The following VWC2L variants were observed in gnomAD, a reference collection of about 807,000 sequenced individuals.
The protein encoded by VWC2L is von Willebrand factor C domain containing 2 like.
A neutral mutation model predicts 21.6 loss-of-function variants in VWC2L; 10 were observed. That is an observed-to-expected ratio of 0.46 (90% CI 0.29 to 0.78). VWC2L has a LOEUF of 0.78. Among genes scored for constraint, VWC2L ranks in the 30% least tolerant of loss-of-function variants. VWC2L has a pLI of 0.10. For missense variants in VWC2L, 209 were observed against 277.1 expected (o/e 0.75, Z 1.74); for synonymous variants, 96 against 94.3 (o/e 1.02, Z -0.10).
intron 3 of VWC2L, among the ~76,000 whole-genome samples, chr2:214,559,432 C>T (rs1410873130): frequency 2.0e-5 from 3 of 152,038 alleles, no homozygotes; most frequent in Non-Finnish European, 4.4e-5. Context: ...TCCCATATCC[C>T]GAGCTTCCAC....
chr2:214,451,795 G>T (rs1702958321), intron 3 of VWC2L, among the ~76,000 whole-genome samples: 1 of 152,034 alleles, frequency 6.6e-6, no homozygotes, highest in Non-Finnish European at 1.5e-5. Flanking sequence ...TATTCTTTCT[G>T]GATATGAGTC....
intron 3 of VWC2L, among the ~76,000 whole-genome samples, chr2:214,560,896 A>C (rs1574637018): frequency 6.6e-6 from 1 of 152,200 alleles, no homozygotes; most frequent in Non-Finnish European, 1.5e-5. Flanking sequence ...ACCACCATGT[A>C]CTTGCTCAGA....
rs574486121 is a variant in VWC2L, at chr2:214,419,052, A to G, written c.390+4469A>G. ...CAAATTCAAATGTAAATTGATCCAC[A>G]TGTGTCACCTGATAGGAAAACTGAT... On this transcript the variant is annotated intron_variant, in intron 2 of 3. Transcript: ENST00000312504. Among the ~76,000 whole-genome samples the G allele has an allele frequency of 3.3e-5, 5 of 152,324 alleles. No individual in the cohort carries two copies. In the East Asian group the frequency reaches 9.6e-4, roughly 29 times the overall value.
In VWC2L at chr2:214,511,508, CCTT is replaced by C. The variant is rs1446246845; in HGVS notation, c.521-64160_521-64158del. On this transcript the variant is annotated intron_variant, in intron 3 of 3. Transcript: ENST00000312504. ...GAGAGAGAGATTTGGGACAATTTCT[CCTT>C]CTTATTTACTCTCTGCCGTGTGAAT... is the stretch of plus-strand genomic sequence containing the variant. Among the ~76,000 whole-genome samples, 15 of 152,208 alleles carry C rather than the reference CCTT, an allele frequency of 9.9e-5. No homozygotes were observed. In the East Asian group the frequency reaches 1.4e-3, roughly 14 times the overall value.
rs1047197725 is a variant in VWC2L at position 214,570,556 on chromosome 2, G to A, written c.521-5116G>A. On this transcript the variant is annotated intron_variant, in intron 3 of 3. Coordinates refer to ENST00000312504, the MANE Select transcript of VWC2L (RefSeq NM_001080500.4). ...TTCTTTGCATTTTTCATAGTGATGG[G>A]GTTTTGCCATGTTGCCCAGGCTGGT... is the stretch of plus-strand genomic sequence containing the variant. 2.0e-5 allele frequency among the ~76,000 whole-genome samples: 3 copies of A among 152,088 alleles called. No individual in the cohort carries two copies. In the South Asian group the frequency reaches 6.2e-4, roughly 32 times the overall value.
chr2:214,538,957 T>C (rs1165213228), intron 3 of VWC2L, among the ~76,000 whole-genome samples: 2 of 152,130 alleles, frequency 1.3e-5, no homozygotes, highest in East Asian at 3.8e-4. Flanking sequence ...GGAAAAACCC[T>C]CATAATTTCT....
intron 3 of VWC2L, among the ~76,000 whole-genome samples, chr2:214,547,142 A>G (rs554675694): frequency 1.3e-5 from 2 of 152,236 alleles, no homozygotes; most frequent in East Asian, 3.9e-4. Context: ...ATGCTAATAT[A>G]TATGCAGAAG....
chr2:214,449,728 C>A (rs1254368379), intron 3 of VWC2L, among the ~76,000 whole-genome samples: 1 of 152,092 alleles, frequency 6.6e-6, no homozygotes, highest in Non-Finnish European at 1.5e-5. Flanking sequence ...GGATACCCCT[C>A]AATTGAGAAA....
chr2:214,546,239 G>GTCTAAAAT (rs1689704386), intron 3 of VWC2L, among the ~76,000 whole-genome samples: 1 of 152,150 alleles, frequency 6.6e-6, no homozygotes, highest in Admixed American at 6.5e-5. Context: ...TTACTAAGCA[G>GTCTAAAAT]TGTGAAGGAA....
intron 3 of VWC2L, among the ~76,000 whole-genome samples, chr2:214,470,868 G>A (rs1430985139): frequency 7.9e-6 from 1 of 126,580 alleles, no homozygotes; most frequent in African/African-American, 3.0e-5. Flanking sequence ...AGTGAGCCAC[G>A]ATTGTGCCAC....
intron 3 of VWC2L, among the ~76,000 whole-genome samples, chr2:214,522,374 C>CAAA (rs5838440): frequency 0.017 from 1,766 of 102,716 alleles, 25 homozygotes; most frequent in Non-Finnish European, 0.021. Context: ...GACCCCGTCT[C>CAAA]AAAAAAAAAA....
In VWC2L at chr2:214,475,630, T is replaced by C. The variant is rs544561093; in HGVS notation, c.520+38872T>C. On this transcript the variant is annotated intron_variant, in intron 3 of 3. Transcript: ENST00000312504. Reference sequence around the variant, plus strand: ...ATCTGCAATGGAGGCACCATTCTGCTCTGGTCAATGGTTGTCATGTAAGAA... The same window carrying C: ...ATCTGCAATGGAGGCACCATTCTGCCCTGGTCAATGGTTGTCATGTAAGAA... 2.0e-5 allele frequency among the ~76,000 whole-genome samples: 3 copies of C among 152,230 alleles called. No homozygotes were observed. The East Asian group carries it at 5.8e-4, about 29-fold the overall frequency.
chr2:214,515,289 G>A (rs1689122855), intron 3 of VWC2L, among the ~76,000 whole-genome samples: 1 of 152,160 alleles, frequency 6.6e-6, no homozygotes, highest in African/African-American at 2.4e-5. Flanking sequence ...CAGTGATAGA[G>A]AACAGCATGG....
At chr2:214,516,027 C>A (rs904277229) in intron 3 of VWC2L, among the ~76,000 whole-genome samples, 6 of 152,128 alleles carry the variant, frequency 3.9e-5, no homozygotes, top group East Asian at 1.9e-4. Context: ...CAGGTGAGAA[C>A]TTTTTATTTC....
intron 3 of VWC2L, among the ~76,000 whole-genome samples, chr2:214,528,320 C>T (rs930107308): frequency 2.0e-5 from 3 of 152,268 alleles, no homozygotes; most frequent in East Asian, 1.9e-4. Flanking sequence ...TTCACAACCT[C>T]TTGAGGTAAC....
intron 2 of VWC2L, among the ~76,000 whole-genome samples, chr2:214,430,387 G>GT (rs1311715114): frequency 6.6e-6 from 1 of 151,988 alleles, no homozygotes; most frequent in Non-Finnish European, 1.5e-5. Context: ...AAAGGTATTT[G>GT]TTTTTTAAAA....
At chr2:214,474,619 A>G (rs1688478311) in intron 3 of VWC2L, among the ~76,000 whole-genome samples, 1 of 152,142 alleles carries the variant, frequency 6.6e-6, no homozygotes. Context: ...GTATAATATA[A>G]TGAAGTGGCT....
intron 3 of VWC2L, among the ~76,000 whole-genome samples, chr2:214,522,299 C>T (rs998651964): frequency 1.2e-4 from 17 of 142,756 alleles, no homozygotes; most frequent in Admixed American, 1.1e-3. Context: ...GGCGTGAACC[C>T]GGGAGGCGGA....
At chr2:214,557,286 G>A (rs1276226131) in intron 3 of VWC2L, among the ~76,000 whole-genome samples, 4 of 151,976 alleles carry the variant, frequency 2.6e-5, no homozygotes, top group South Asian at 4.2e-4. Context: ...CAAGCTAAAC[G>A]GGTTTCCCCT....
Sources: gnomAD v4.1 joint callset for allele counts (sites outside exome capture counted in the v4.1 genomes callset) on GRCh38, gnomAD v4.1.1 for gene constraint, MANE v1.5 for transcripts, NCBI Gene and HGNC (gene_info 2026-07-23, HGNC 2026-07-21) for gene names.